CYTH1: variants seen among roughly 807,000 people sequenced by gnomAD.
CYTH1 encodes the protein cytohesin 1, also known as cytohesin-1.
A neutral mutation model predicts 61.8 loss-of-function variants in CYTH1; 18 were observed. That is an observed-to-expected ratio of 0.29 (90% confidence interval 0.20 to 0.43). The LOEUF is 0.43. Among genes scored for constraint, CYTH1 ranks in the 20% least tolerant of loss-of-function variants. The pLI, the probability that CYTH1 is intolerant of heterozygous loss-of-function variation, is 1.00. For missense variants in CYTH1, 336 were observed against 510.5 expected (o/e 0.66, Z 3.29); for synonymous variants, 174 against 184.3 (o/e 0.94, Z 0.45).
chr17:78,778,657 A>G (rs1468537203), intron 1 of CYTH1, among the ~76,000 whole-genome samples: 4 of 151,358 alleles, frequency 2.6e-5, no homozygotes, highest in Non-Finnish European at 5.9e-5. Flanking sequence ...AAAAAAAAAA[A>G]AAAAGAAAGA....
intron 3 of CYTH1, among the ~76,000 whole-genome samples, chr17:78,703,110 T>C (rs572244761): frequency 6.6e-6 from 1 of 151,562 alleles, no homozygotes; most frequent in Admixed American, 6.6e-5. Flanking sequence ...AACATGATTT[T>C]TAAAAAAACT....
At chr17:78,775,792 T>A (rs1367047776) in intron 1 of CYTH1, among the ~76,000 whole-genome samples, 1 of 152,190 alleles carries the variant, frequency 6.6e-6, no homozygotes, top group Non-Finnish European at 1.5e-5. Flanking sequence ...GGAACAAAAA[T>A]AAGACATGCA....
intron 1 of CYTH1, among the ~76,000 whole-genome samples, chr17:78,716,305 T>C (rs1567855816): frequency 6.6e-6 from 1 of 152,216 alleles, no homozygotes; most frequent in Non-Finnish European, 1.5e-5. Context: ...AGCCCCTGAA[T>C]ACTTGCTTTA....
At chr17:78,735,058 C>T (rs2093314374) in intron 1 of CYTH1, among the ~76,000 whole-genome samples, 1 of 152,158 alleles carries the variant, frequency 6.6e-6, no homozygotes, top group Non-Finnish European at 1.5e-5. Context: ...GCAACACTGC[C>T]TTCAGTCCCA....
At chr17:78,744,003 T>C (rs1220955545) in intron 1 of CYTH1, among the ~76,000 whole-genome samples, 9 of 152,350 alleles carry the variant, frequency 5.9e-5, no homozygotes, top group Non-Finnish European at 1.3e-4. Flanking sequence ...ACCTGGGCTG[T>C]GTGGAGTGTA....
At chr17:78,750,262 C>T (rs1355430879) in intron 1 of CYTH1, among the ~76,000 whole-genome samples, 1 of 152,158 alleles carries the variant, frequency 6.6e-6, no homozygotes, top group Non-Finnish European at 1.5e-5. Context: ...AAAGGGAAGG[C>T]TGATATCAAA....
intron 1 of CYTH1, among the ~76,000 whole-genome samples, chr17:78,742,790 G>A (rs899914398): frequency 6.6e-6 from 1 of 152,152 alleles, no homozygotes; most frequent in African/African-American, 2.4e-5. Flanking sequence ...GGGAGGCAGA[G>A]GTTGCAGTGA....
intron 3 of CYTH1, among the ~76,000 whole-genome samples, chr17:78,704,513 T>C (rs2093045708): frequency 6.6e-6 from 1 of 152,106 alleles, no homozygotes; most frequent in South Asian, 2.1e-4. Flanking sequence ...TGAGGGTTGG[T>C]GTTTTTTGTG....
chr17:78,696,442 T>G (rs1299529211), intron 9 of CYTH1, among the ~76,000 whole-genome samples: 2 of 152,248 alleles, frequency 1.3e-5, no homozygotes, highest in Non-Finnish European at 2.9e-5. Flanking sequence ...CATATACCCA[T>G]GAGTACACAT....
intron 1 of CYTH1, among the ~76,000 whole-genome samples, chr17:78,748,664 C>T (rs1424619927): frequency 6.6e-6 from 1 of 152,036 alleles, no homozygotes; most frequent in Non-Finnish European, 1.5e-5. Flanking sequence ...AAAATTCCAG[C>T]CTTAATTCAA....
chr17:78,724,623 C>CA (rs2093255398), intron 1 of CYTH1, among the ~76,000 whole-genome samples: 1 of 152,174 alleles, frequency 6.6e-6, no homozygotes, highest in Non-Finnish European at 1.5e-5. Flanking sequence ...CCCTGCGGGA[C>CA]AAAACTGTCC....
intron 1 of CYTH1, among the ~76,000 whole-genome samples, chr17:78,746,195 CA>C (rs1161467357): frequency 1.3e-5 from 2 of 152,066 alleles, no homozygotes; most frequent in Non-Finnish European, 2.9e-5. Flanking sequence ...AAGTATGTGG[CA>C]GGGGGTGGGG....
chr17:78,776,897 A>AG (rs1251607579), intron 1 of CYTH1, among the ~76,000 whole-genome samples: 6 of 150,644 alleles, frequency 4.0e-5, no homozygotes, highest in African/African-American at 1.5e-4. Flanking sequence ...AGGCCTAGGC[A>AG]GGGGGATCAC....
intron 1 of CYTH1, among the ~76,000 whole-genome samples, chr17:78,769,362 T>C (rs749258545): frequency 1.8e-4 from 27 of 152,006 alleles, no homozygotes; most frequent in Non-Finnish European, 3.1e-4. Flanking sequence ...GTGGCGAAAC[T>C]GCTTCACACC....
chr17:78,711,210 C>T (rs927225395), intron 1 of CYTH1, among the ~76,000 whole-genome samples: 12 of 150,970 alleles, frequency 7.9e-5, no homozygotes, highest in African/African-American at 2.9e-4. Context: ...TGCAGTGAGC[C>T]GAGATCCCGC....
chr17:78,749,394 A>G (rs1419333978), intron 1 of CYTH1, among the ~76,000 whole-genome samples: 2 of 152,150 alleles, frequency 1.3e-5, no homozygotes, highest in African/African-American at 4.8e-5. Context: ...CAGGAGTCAG[A>G]GGTTGCAGTG....
chr17:78,687,804 G>A lies in CYTH1; in HGVS notation c.891+4613C>T, dbSNP rs554321818. Reference sequence around the variant, plus strand: ...TGAGTAGGTTTAATCTGTCACACAAGTACACAAGTTTCCTGACCTATATTC... The same window carrying A: ...TGAGTAGGTTTAATCTGTCACACAAATACACAAGTTTCCTGACCTATATTC... On this transcript the variant is annotated intron_variant, in intron 11 of 13. Transcript: ENST00000446868. Among the ~76,000 whole-genome samples, 7 of 152,330 alleles carry A rather than the reference G, an allele frequency of 4.6e-5. No homozygotes were observed. The South Asian group carries it at 1.4e-3, about 32-fold the overall frequency.
chr17:78,711,316 C>T (rs773484931), intron 1 of CYTH1, among the ~76,000 whole-genome samples: 2,141 of 136,878 alleles, frequency 0.016, 60 homozygotes, highest in South Asian at 0.11. Flanking sequence ...TATATATATA[C>T]ACACACACAC....
intron 1 of CYTH1, among the ~76,000 whole-genome samples, chr17:78,758,452 C>T (rs1447230160): frequency 6.6e-6 from 1 of 152,180 alleles, no homozygotes; most frequent in African/African-American, 2.4e-5. Flanking sequence ...CGCCTGTAAT[C>T]CCAGCACTTT....
Sources: gnomAD v4.1 joint callset for allele counts (sites outside exome capture counted in the v4.1 genomes callset) on GRCh38, gnomAD v4.1.1 for gene constraint, MANE v1.5 for transcripts, NCBI Gene and HGNC (gene_info 2026-07-23, HGNC 2026-07-21) for gene names.